Variants in PARD3B observed in about 807,000 individuals in gnomAD.
PARD3B encodes par-3 family cell polarity regulator beta, also known as partitioning defective 3 homolog B.
Under a neutral mutation model 130.2 loss-of-function variants are expected in PARD3B, and 103 were observed. The observed-to-expected ratio is 0.79, with a 90% CI of 0.67 to 0.93. The LOEUF is 0.93. Ranked by LOEUF, PARD3B falls within the 40% of genes least tolerant of loss-of-function variation. PARD3B has a pLI of 0.00. For missense variants in PARD3B, 1,609 were observed against 1,499.2 expected, an observed-to-expected ratio of 1.07 and a Z score of -1.21; for synonymous variants, 583 against 553.2, an observed-to-expected ratio of 1.05 and a Z score of -0.76.
At chr2:204,897,832 C>T (rs1480201794) in intron 2 of PARD3B, among the ~76,000 whole-genome samples, 1 of 150,758 alleles carries the variant, frequency 6.6e-6, no homozygotes, top group African/African-American at 2.4e-5. Flanking sequence ...AATCAAGCAG[C>T]AACTGTGAGC....
intron 21 of PARD3B, among the ~76,000 whole-genome samples, chr2:205,551,440 A>G (rs1158274955): frequency 6.6e-6 from 1 of 151,092 alleles, no homozygotes; most frequent in Non-Finnish European, 1.5e-5. Context: ...CTTTTATCCT[A>G]CTGCAGAGAA....
At chr2:204,835,710 G>T (rs1005894562) in intron 2 of PARD3B, among the ~76,000 whole-genome samples, 2 of 152,204 alleles carry the variant, frequency 1.3e-5, no homozygotes, top group African/African-American at 4.8e-5. Flanking sequence ...CTATTCAGTA[G>T]AAACCACACT....
chr2:204,549,072 C>G (rs185340464), intron 1 of PARD3B, among the ~76,000 whole-genome samples: 89 of 152,268 alleles, frequency 5.8e-4, no homozygotes, highest in African/African-American at 2.0e-3. Context: ...CTGTTGAGAA[C>G]AAAGAAAACC....
chr2:204,657,317 T>C (rs2125177715), intron 1 of PARD3B, among the ~76,000 whole-genome samples: 1 of 152,252 alleles, frequency 6.6e-6, no homozygotes, highest in South Asian at 2.1e-4. Context: ...GAGCTCAACC[T>C]AGGTAACATA....
intron 20 of PARD3B, among the ~76,000 whole-genome samples, chr2:205,498,830 G>A (rs2050043800): frequency 1.3e-5 from 2 of 152,204 alleles, no homozygotes; most frequent in Admixed American, 1.3e-4. Context: ...TTTCTTCAAT[G>A]GCCCTGCTCT....
intron 1 of PARD3B, among the ~76,000 whole-genome samples, chr2:204,632,348 C>T (rs2034708634): frequency 6.6e-6 from 1 of 152,150 alleles, no homozygotes; most frequent in Admixed American, 6.5e-5. Flanking sequence ...TTTACAGCAG[C>T]ATGAGAACAG....
chr2:205,495,461 C>G (rs1248671664), intron 20 of PARD3B, among the ~76,000 whole-genome samples: 2 of 152,116 alleles, frequency 1.3e-5, no homozygotes, highest in Admixed American at 6.6e-5. Flanking sequence ...AATTGTTAAA[C>G]TAACAATGTG....
At chr2:205,586,344 G>A (rs2054195705) in intron 22 of PARD3B, among the ~76,000 whole-genome samples, 1 of 152,094 alleles carries the variant, frequency 6.6e-6, no homozygotes, top group Non-Finnish European at 1.5e-5. Context: ...CATTTTGACT[G>A]GACTGCAGCT....
At chr2:204,845,162 A>G (rs1044794196) in intron 2 of PARD3B, among the ~76,000 whole-genome samples, 1 of 152,170 alleles carries the variant, frequency 6.6e-6, no homozygotes, top group Non-Finnish European at 1.5e-5. Flanking sequence ...ACAGGTGTTA[A>G]TGTTACCCTC....
chr2:204,554,727 ATTC>A (rs1355373575), intron 1 of PARD3B, among the ~76,000 whole-genome samples: 1 of 151,976 alleles, frequency 6.6e-6, no homozygotes, highest in East Asian at 1.9e-4. Flanking sequence ...AGGTCATGTC[ATTC>A]TTCTACTGAA....
At chr2:205,330,033 A>ATAAG (rs1294922704) in intron 18 of PARD3B, among the ~76,000 whole-genome samples, 1 of 3,072 alleles carries the variant, frequency 3.3e-4, no homozygotes, top group African/African-American at 8.0e-4. Context: ...AAATAAATAA[A>ATAAG]TAAAATAAAA....
At chr2:205,026,264 G>A (rs955408085) in intron 3 of PARD3B, among the ~76,000 whole-genome samples, 5 of 152,160 alleles carry the variant, frequency 3.3e-5, no homozygotes, top group African/African-American at 1.2e-4. Context: ...GGGCAGTCTG[G>A]GTGAATTTGG....
At chr2:204,650,605 G>T (rs2035443498) in intron 1 of PARD3B, among the ~76,000 whole-genome samples, 1 of 152,140 alleles carries the variant, frequency 6.6e-6, no homozygotes, top group Admixed American at 6.5e-5. Context: ...TAGGAACATG[G>T]ATGGAGTAGG....
intron 1 of PARD3B, among the ~76,000 whole-genome samples, chr2:204,586,537 T>G (rs532641066): frequency 6.6e-6 from 1 of 152,336 alleles, no homozygotes; most frequent in African/African-American, 2.4e-5. Flanking sequence ...TTCTAGCCTT[T>G]TGCTTAAATT....
intron 18 of PARD3B, among the ~76,000 whole-genome samples, chr2:205,334,789 T>G (rs1427737284): frequency 1.3e-5 from 2 of 152,248 alleles, no homozygotes; most frequent in Non-Finnish European, 2.9e-5. Context: ...CTTTCCATCC[T>G]GCAAAATGTT....
At chr2:204,561,530 G>A (rs1163892457) in intron 1 of PARD3B, among the ~76,000 whole-genome samples, 1 of 151,976 alleles carries the variant, frequency 6.6e-6, no homozygotes, top group Non-Finnish European at 1.5e-5. Flanking sequence ...CCAGGTCACT[G>A]TGGGCTGGCT....
chr2:205,493,474 A>T (rs866961515), intron 20 of PARD3B, among the ~76,000 whole-genome samples: 1 of 152,110 alleles, frequency 6.6e-6, no homozygotes, highest in South Asian at 2.1e-4. Context: ...AAAAATTAAC[A>T]CCATACTTAC....
chr2:205,217,676 TG>T (rs1230800766), intron 15 of PARD3B, among the ~76,000 whole-genome samples: 2 of 151,108 alleles, frequency 1.3e-5, no homozygotes, highest in Non-Finnish European at 2.9e-5. Flanking sequence ...TCTAACCTAC[TG>T]GTTTTAAATT....
intron 19 of PARD3B, among the ~76,000 whole-genome samples, chr2:205,435,125 A>G (rs13031605): frequency 4.6e-5 from 7 of 152,110 alleles, no homozygotes; most frequent in Non-Finnish European, 1.0e-4. Context: ...CACATAAGGT[A>G]TAAAGGCTAC....
Sources: allele counts gnomAD v4.1 joint callset (sites outside exome capture counted in the v4.1 genomes callset), GRCh38; gene constraint gnomAD v4.1.1; transcripts MANE v1.5; gene names NCBI Gene and HGNC (gene_info 2026-07-23, HGNC 2026-07-21).